VWA2: variants seen among roughly 807,000 people sequenced by gnomAD.
VWA2 encodes von Willebrand factor A domain containing 2.
VWA2 carries 73 observed loss-of-function variants against 70.4 expected under a neutral mutation model. That is an observed-to-expected ratio of 1.04 (90% CI 0.86 to 1.26). The LOEUF (loss-of-function observed/expected upper bound fraction) is 1.26, where lower values mean the gene tolerates loss of function less well. Among genes scored for constraint, VWA2 ranks in the 50% most tolerant of loss-of-function variants. The pLI is 0.00. For synonymous variants in VWA2, 407 were observed against 423.3 expected (o/e 0.96, Z 0.47); for missense variants, 1,011 against 998.5 (o/e 1.01, Z -0.17).
In VWA2 at chr10:114,286,106, AGGGAG is replaced by A; in HGVS notation, c.1166_1170del (p.Arg389ThrfsTer15). ...CCGAGTGGGTGTGGCCACATACAGCAGGGAGCTGCTGGTGGCGGTGCCTGTGGGGG... is the reference window on the plus strand; with the variant it reads ...CCGAGTGGGTGTGGCCACATACAGCACTGCTGGTGGCGGTGCCTGTGGGGG... On this transcript the variant is annotated frameshift_variant, in exon 11 of 14. Coordinates refer to ENST00000392982, the MANE Select transcript of VWA2 (RefSeq NM_001272046.2). LOFTEE classifies it high-confidence loss of function. The A allele has an allele frequency of 6.2e-7, 1 of 1,614,142 alleles. No homozygotes were observed. The highest frequency in any genetic ancestry group is 8.5e-7 in the Non-Finnish European group (1 of 1,180,028).
chr10:114,249,825 C>T (rs770314280), intron 2 of VWA2, among the ~76,000 whole-genome samples: 3 of 152,176 alleles, frequency 2.0e-5, no homozygotes, highest in Non-Finnish European at 2.9e-5. Context: ...TCTTCACCCC[C>T]AGCTAAAACT....
chr10:114,261,340 C>G, intron 5 of VWA2, 45 bp downstream of exon 5: 1 of 1,533,978 alleles, frequency 6.5e-7, no homozygotes, highest in Non-Finnish European at 9.0e-7. Context: ...ACGCCAACTG[C>G]TCTTAAAATT....
chr10:114,273,061 C>T (rs1234088584), intron 6 of VWA2, 127 bp downstream of exon 6: 11 of 732,182 alleles, frequency 1.5e-5, no homozygotes, highest in Middle Eastern at 4.2e-4. Flanking sequence ...GTCTTTTCCT[C>T]ACTTTGCCAT....
chr10:114,277,108 G>T (rs190982877), intron 6 of VWA2, among the ~76,000 whole-genome samples: 2 of 146,160 alleles, frequency 1.4e-5, no homozygotes, highest in Admixed American at 1.4e-4. Context: ...GTCAAACCTT[G>T]GTCCACCCTG....
At chr10:114,274,317 T>C (rs887574277) in intron 6 of VWA2, among the ~76,000 whole-genome samples, 4 of 152,120 alleles carry the variant, frequency 2.6e-5, no homozygotes, top group African/African-American at 4.8e-5. Flanking sequence ...GAGAATCACA[T>C]TGGCTGCTGT....
intron 6 of VWA2, among the ~76,000 whole-genome samples, chr10:114,274,829 A>G (rs2037792831): frequency 6.6e-6 from 1 of 152,084 alleles, no homozygotes; most frequent in Non-Finnish European, 1.5e-5. Flanking sequence ...CAGAGCAGTG[A>G]GCGGCCGCCA....
rs750651682 is a variant in VWA2, at chr10:114,289,490, GT to G, written c.2122+2del. ...GTGCTCATTGAGTGGCTGTGTGGAG[GT>G]GAGTGGGGGAATCCACACCCTCAGG... On this transcript the variant is annotated splice_donor_variant, in intron 12 of 13. Coordinates refer to ENST00000392982, the MANE Select transcript of VWA2 (RefSeq NM_001272046.2). LOFTEE classifies it high-confidence loss of function. 4 of 1,614,116 alleles carry G rather than the reference GT, an allele frequency of 2.5e-6. No individual in the cohort carries two copies. The highest frequency in any genetic ancestry group is 2.2e-5 in the South Asian group (2 of 91,086).
chr10:114,256,050 A>G (rs556318339), intron 4 of VWA2, among the ~76,000 whole-genome samples: 16 of 152,372 alleles, frequency 1.1e-4, no homozygotes, highest in Non-Finnish European at 1.5e-4. Flanking sequence ...GGAGAATCCA[A>G]TAGTATTCAT....
intron 5 of VWA2, among the ~76,000 whole-genome samples, chr10:114,264,350 G>T (rs2037513784): frequency 6.6e-6 from 1 of 151,832 alleles, no homozygotes; most frequent in Non-Finnish European, 1.5e-5. Context: ...CAGCATGGAG[G>T]AATCTTGAAA....
Position 114,271,608 on chromosome 10 carries a change from AACACAC to A in VWA2, c.372-1102_372-1097del, listed in dbSNP as rs142127208. Among the ~76,000 whole-genome samples the A allele has an allele frequency of 1.3e-3, 191 of 144,794 alleles. 2 individuals carry two copies. The highest frequency in any genetic ancestry group is 3.4e-3 in the East Asian group (17 of 4,932). 95.0% of individuals were successfully genotyped at this position (144,794 alleles called of 152,430 possible). On this transcript the variant is annotated intron_variant, in intron 5 of 13. Coordinates refer to ENST00000392982, the MANE Select transcript of VWA2 (RefSeq NM_001272046.2). ...ATGTCAGACTTGCATGAGAAGTAAAAACACACACACACACACACACACACACACACA... is the reference window on the plus strand; with the variant it reads ...ATGTCAGACTTGCATGAGAAGTAAAAACACACACACACACACACACACACA...
Position 114,291,274 on chromosome 10 carries a change from C to T in VWA2, c.*37C>T, listed in dbSNP as rs1054517005. On this transcript the variant is annotated 3_prime_UTR_variant, in exon 14 of 14. Transcript: ENST00000392982. Reference sequence around the variant, plus strand: ...CCCGTGCAGGAGGGCAGCAGCCGTACCCCTCCCAGCAACTACAGAGAAGGC... The same window carrying T: ...CCCGTGCAGGAGGGCAGCAGCCGTATCCCTCCCAGCAACTACAGAGAAGGC... 3.9e-6 allele frequency: 6 copies of T among 1,543,084 alleles called. No individual in the cohort carries two copies. The highest frequency in any genetic ancestry group is 1.7e-4 in the Middle Eastern group (1 of 5,964).
intron 13 of VWA2, among the ~76,000 whole-genome samples, chr10:114,290,695 AGGC>A (rs2039500949): frequency 6.6e-6 from 1 of 150,926 alleles, no homozygotes; most frequent in East Asian, 1.9e-4. Context: ...ACTAGGAGGG[AGGC>A]CACAGTTAGG....
intron 5 of VWA2, among the ~76,000 whole-genome samples, chr10:114,265,682 ATTAT>A (rs1347903669): frequency 1.3e-5 from 2 of 152,166 alleles, no homozygotes; most frequent in Non-Finnish European, 2.9e-5. Context: ...GCTTGAGAGC[ATTAT>A]TTATGACATA....
chr10:114,253,999 G>A (rs545462724), intron 3 of VWA2, among the ~76,000 whole-genome samples: 46 of 151,862 alleles, frequency 3.0e-4, no homozygotes, highest in Admixed American at 1.5e-3. Flanking sequence ...CTGAGATTGC[G>A]CCATTGCACT....
intron 5 of VWA2, among the ~76,000 whole-genome samples, chr10:114,263,228 T>G (rs1427290639): frequency 6.6e-6 from 1 of 152,006 alleles, no homozygotes; most frequent in Non-Finnish European, 1.5e-5. Context: ...TTGCCCAGGC[T>G]GGTCTTGAAC....
In VWA2 at chr10:114,289,426, C is replaced by T; in HGVS notation, c.2059C>T (p.His687Tyr). 1.2e-6 allele frequency: 2 copies of T among 1,614,176 alleles called. No homozygotes were observed. Among genetic ancestry groups the T allele is most frequent in the South Asian group, 1.1e-5 (1 of 91,082 alleles). The change falls in exon 12 of 14, where the codon CAC becomes TAC. Residue 687 changes from histidine to tyrosine, a missense_variant. Transcript: ENST00000392982. ...RLAGPRDSLI[H>Y]VAAYADLRYH... ...TGCAGGTCCCCGGGATTCCCTGATC[C>T]ACGTGGCAGCTTACGCCGACCTGCG...
chr10:114,251,455 T>C (rs1344342863), intron 2 of VWA2, among the ~76,000 whole-genome samples: 1 of 152,236 alleles, frequency 6.6e-6, no homozygotes, highest in Non-Finnish European at 1.5e-5. Context: ...CAGAGCTCCC[T>C]TGCCTTCTCA....
intron 1 of VWA2, among the ~76,000 whole-genome samples, chr10:114,241,136 C>A (rs1217696021): frequency 6.6e-6 from 1 of 152,040 alleles, no homozygotes; most frequent in Non-Finnish European, 1.5e-5. Flanking sequence ...ACCTCCTGTC[C>A]CCGCCTATGC....
In VWA2 at chr10:114,254,979, A is replaced by G. The variant is rs1407362747; in HGVS notation, c.192A>G (p.Lys64=). The part of the protein sequence containing the change: ...FLLDGSNSVG[K]GSFERSKHFA... ...TAGATGGGTCTAACAGCGTCGGGAA[A>G]GGGAGCTTTGAAAGGTCCAAGCACT... The change falls in exon 4 of 14, where the codon AAA becomes AAG. Residue 64 remains lysine (K), a synonymous_variant. Coordinates refer to ENST00000392982, the MANE Select transcript of VWA2 (RefSeq NM_001272046.2). The G allele has an allele frequency of 1.9e-6, 3 of 1,613,226 alleles. No individual in the cohort carries two copies. The African/African-American group carries it at 4.0e-5, about 22-fold the overall frequency.
Sources: allele counts gnomAD v4.1 joint callset (sites outside exome capture counted in the v4.1 genomes callset), GRCh38; gene constraint gnomAD v4.1.1; transcripts MANE v1.5; gene names NCBI Gene and HGNC (gene_info 2026-07-23, HGNC 2026-07-21).